Variants in TENM3 observed in about 807,000 individuals in gnomAD.
The protein encoded by TENM3 is teneurin transmembrane protein 3.
A neutral mutation model predicts 255.1 loss-of-function variants in TENM3; 63 were observed. That is an observed-to-expected ratio of 0.25 (90% CI 0.20 to 0.30). The LOEUF (loss-of-function observed/expected upper bound fraction) is 0.30, where lower values mean the gene tolerates loss of function less well. Ranked by LOEUF, TENM3 falls within the 10% of genes least tolerant of loss-of-function variation. The probability of loss-of-function intolerance (pLI) is 1.00; values close to 1 mark genes in which losing one functional copy is unlikely to be tolerated. For synonymous variants in TENM3, 1,306 were observed against 1,322.3 expected (o/e 0.99, Z 0.27); for missense variants, 2,929 against 3,461.1 (o/e 0.85, Z 3.86).
At chr4:181,518,411 G>A in the TENM3 span, among the ~76,000 whole-genome samples, 3 of 151,694 alleles carry the variant, frequency 2.0e-5, no homozygotes, top group Non-Finnish European at 4.4e-5. Context: ...GTTTTTTGTT[G>A]TTGTTGTTTG....
chr4:181,979,842 C>T, the TENM3 span, among the ~76,000 whole-genome samples: 10 of 152,082 alleles, frequency 6.6e-5, no homozygotes, highest in Admixed American at 6.6e-4. Flanking sequence ...TCTTTCTCTA[C>T]CTTTATGTTT....
chr4:181,668,569 G>A, the TENM3 span, among the ~76,000 whole-genome samples: 125 of 152,152 alleles, frequency 8.2e-4, no homozygotes, highest in African/African-American at 2.8e-3. Context: ...TTTACATAGT[G>A]TCCTTCTTGT....
chr4:182,347,495 G>A (rs537512768), intron 3 of TENM3, among the ~76,000 whole-genome samples: 140 of 152,174 alleles, frequency 9.2e-4, no homozygotes, highest in Non-Finnish European at 1.5e-3. Context: ...TTGGTAAAGA[G>A]GGGGAGTGTG....
chr4:181,539,933 C>A, the TENM3 span, among the ~76,000 whole-genome samples: 1 of 152,178 alleles, frequency 6.6e-6, no homozygotes, highest in South Asian at 2.1e-4. Flanking sequence ...CAAAATTCCT[C>A]CTTGAAATAC....
chr4:182,043,330 C>G, the TENM3 span, among the ~76,000 whole-genome samples: 1 of 152,242 alleles, frequency 6.6e-6, no homozygotes, highest in East Asian at 1.9e-4. Flanking sequence ...ACAGTTAATG[C>G]AAAGCAGATT....
chr4:182,364,355 T>G (rs1766253127), intron 3 of TENM3, among the ~76,000 whole-genome samples: 1 of 152,204 alleles, frequency 6.6e-6, no homozygotes, highest in South Asian at 2.1e-4. Flanking sequence ...TTCTTAATCT[T>G]TGTGTGTGTA....
intron 12 of TENM3, among the ~76,000 whole-genome samples, chr4:182,708,962 G>A (rs1014724398): frequency 1.3e-5 from 2 of 150,304 alleles, no homozygotes; most frequent in African/African-American, 4.8e-5. Flanking sequence ...TTACTAGAAA[G>A]CAGTGGGTTT....
At chr4:182,232,923 CAG>C (rs1756673092) in intron 1 of TENM3, among the ~76,000 whole-genome samples, 1 of 152,178 alleles carries the variant, frequency 6.6e-6, no homozygotes, top group Non-Finnish European at 1.5e-5. Flanking sequence ...TCACACCACT[CAG>C]AGCAGCACGC....
chr4:182,064,970 C>T, the TENM3 span, among the ~76,000 whole-genome samples: 1 of 151,690 alleles, frequency 6.6e-6, no homozygotes, highest in African/African-American at 2.4e-5. Context: ...CACCTGGTTG[C>T]AAATGATTGT....
the TENM3 span, among the ~76,000 whole-genome samples, chr4:181,741,023 G>A: frequency 2.0e-5 from 3 of 152,120 alleles, no homozygotes; most frequent in Non-Finnish European, 4.4e-5. Context: ...CTGAGCTGAT[G>A]ATCTCGTAAA....
At chr4:182,010,479 T>C in the TENM3 span, among the ~76,000 whole-genome samples, 1 of 151,728 alleles carries the variant, frequency 6.6e-6, no homozygotes, top group Non-Finnish European at 1.5e-5. Context: ...TACAGAAATT[T>C]GATTTACAAA....
the TENM3 span, among the ~76,000 whole-genome samples, chr4:181,672,279 T>G: frequency 6.6e-6 from 1 of 152,194 alleles, no homozygotes; most frequent in Non-Finnish European, 1.5e-5. Flanking sequence ...GATTTTTAAG[T>G]GAGATTGAAC....
At position 182,329,445 on chromosome 4, in the gene TENM3, A is replaced by C. The variant is rs1763621093; in HGVS notation, c.232+5193A>C. Among the ~76,000 whole-genome samples the C allele has an allele frequency of 2.6e-5, 4 of 152,338 alleles. No homozygotes were observed. The South Asian group carries it at 8.3e-4, about 32-fold the overall frequency. On this transcript the variant is annotated intron_variant, in intron 2 of 27. Transcript: ENST00000511685. ...TCTGATAGGGTGAGAATGCCATCTA[A>C]GAAAACCAAATAGTAGAGATGTTGG...
At chr4:182,406,053 C>CCCA (rs1354214882) in intron 3 of TENM3, among the ~76,000 whole-genome samples, 1 of 152,166 alleles carries the variant, frequency 6.6e-6, no homozygotes, top group Admixed American at 6.5e-5. Context: ...CGCCTGTAAT[C>CCCA]CCACCACTTT....
chr4:182,482,349 T>C (rs1332097512), intron 3 of TENM3, among the ~76,000 whole-genome samples: 2 of 152,186 alleles, frequency 1.3e-5, no homozygotes, highest in African/African-American at 2.4e-5. Flanking sequence ...ATATTGTAGA[T>C]TTTTTGTATG....
At chr4:182,711,235 G>T (rs1223311691) in intron 12 of TENM3, among the ~76,000 whole-genome samples, 2 of 151,054 alleles carry the variant, frequency 1.3e-5, no homozygotes, top group South Asian at 2.1e-4. Flanking sequence ...AATTTCCAAA[G>T]TTCTTTAAGA....
intron 1 of TENM3, among the ~76,000 whole-genome samples, chr4:182,187,429 T>G (rs1753233952): frequency 1.3e-5 from 2 of 152,192 alleles, no homozygotes. Flanking sequence ...TGTCCTTCTT[T>G]GAGTCAAAGG....
At position 182,731,099 on chromosome 4, in the gene TENM3, G is replaced by C; in HGVS notation, c.2927G>C (p.Arg976Thr). The change falls in exon 16 of 28, where the codon AGA becomes ACA. Residue 976 changes from arginine to threonine, a missense_variant. By Grantham distance (71) the Arg-to-Thr change is moderately conservative. Transcript: ENST00000511685. ...IVSSPLSTFF[R>T]SSPEDSPIIP... is the part of the protein sequence containing the mutation. ...TCATCACCTTTATCCACCTTTTTCA[G>C]ATCTTCTCCTGAAGACAGTCCCATC... 6.2e-7 allele frequency: 1 copy of C among 1,613,890 alleles called. No homozygotes were observed. Among genetic ancestry groups the C allele is most frequent in the Non-Finnish European group, 8.5e-7 (1 of 1,179,866 alleles).
the TENM3 span, among the ~76,000 whole-genome samples, chr4:182,056,584 C>T: frequency 1.3e-5 from 2 of 152,094 alleles, no homozygotes; most frequent in Non-Finnish European, 2.9e-5. Flanking sequence ...AACATTAGCT[C>T]CAAGAATGAT....
Sources: allele counts gnomAD v4.1 joint callset (sites outside exome capture counted in the v4.1 genomes callset), GRCh38; gene constraint gnomAD v4.1.1; transcripts MANE v1.5; gene names NCBI Gene and HGNC (gene_info 2026-07-23, HGNC 2026-07-21).